Variants in CLEC16A observed in about 807,000 individuals in gnomAD.
CLEC16A encodes C-type lectin domain containing 16A.
A neutral mutation model predicts 109.5 loss-of-function variants in CLEC16A; 51 were observed. That is an observed-to-expected ratio of 0.47 (90% CI 0.37 to 0.59). The LOEUF is 0.59. Ranked by LOEUF, CLEC16A falls within the 20% of genes least tolerant of loss-of-function variation. The pLI is 0.00. For synonymous variants in CLEC16A, 673 were observed against 564.2 expected, an observed-to-expected ratio of 1.19 and a Z score of -2.73; for missense variants, 1,339 against 1,394.0, an observed-to-expected ratio of 0.96 and a Z score of 0.63.
At chr16:11,135,529 T>A (rs1281668733) in intron 22 of CLEC16A, among the ~76,000 whole-genome samples, 1 of 151,902 alleles carries the variant, frequency 6.6e-6, no homozygotes, top group Non-Finnish European at 1.5e-5. Context: ...AAGAAGAGAG[T>A]TCCAAAGAAC....
At chr16:11,160,031 A>G (rs12325077) in intron 22 of CLEC16A, among the ~76,000 whole-genome samples, 63,724 of 152,020 alleles carry the variant, frequency 0.42, 13,725 homozygotes, top group Middle Eastern at 0.5. Context: ...TTCAGAGCCA[A>G]CTGGGTTCCT....
chr16:11,172,755 G>A (rs1196139213), intron 23 of CLEC16A, among the ~76,000 whole-genome samples: 1 of 152,090 alleles, frequency 6.6e-6, no homozygotes, highest in Non-Finnish European at 1.5e-5. Flanking sequence ...CAGGCGTGGT[G>A]GTAGGCGTCT....
At chr16:11,063,376 C>T (rs1292916712) in intron 19 of CLEC16A, among the ~76,000 whole-genome samples, 12 of 150,220 alleles carry the variant, frequency 8.0e-5, no homozygotes, top group African/African-American at 2.2e-4. Flanking sequence ...TGCAATCTGA[C>T]CAAACGCCTT....
At chr16:11,068,950 G>A (rs1262993621) in intron 19 of CLEC16A, among the ~76,000 whole-genome samples, 1 of 151,234 alleles carries the variant, frequency 6.6e-6, no homozygotes, top group African/African-American at 2.4e-5. Context: ...GAGTAGCTGG[G>A]ATTACAGGTG....
intron 22 of CLEC16A, among the ~76,000 whole-genome samples, chr16:11,134,490 C>T (rs976548712): frequency 1.1e-4 from 17 of 152,158 alleles, no homozygotes; most frequent in Non-Finnish European, 1.3e-4. Context: ...ATCTGTACCT[C>T]CCCTTCCTGC....
chr16:11,060,121 G>A (rs2048401831), intron 18 of CLEC16A, among the ~76,000 whole-genome samples: 1 of 152,148 alleles, frequency 6.6e-6, no homozygotes, highest in South Asian at 2.1e-4. Context: ...GTACCTGGTG[G>A]CCACACAATT....
rs566029576 is a variant in CLEC16A, at chr16:11,002,626, A to G, written c.1072-448A>G. ...GTAATGCGCACTGGACCCACCAAAC[A>G]CCCTCCCATCATCCACCCCCTCCAA... On this transcript the variant is annotated intron_variant, in intron 10 of 23. Coordinates refer to ENST00000409790, the MANE Select transcript of CLEC16A (RefSeq NM_015226.3). 4.6e-5 allele frequency among the ~76,000 whole-genome samples: 7 copies of G among 151,516 alleles called. No individual in the cohort carries two copies. In the South Asian group the frequency reaches 1.5e-3, roughly 32 times the overall value.
chr16:11,088,412 C>A (rs918631254), intron 19 of CLEC16A, among the ~76,000 whole-genome samples: 5 of 152,204 alleles, frequency 3.3e-5, no homozygotes, highest in African/African-American at 1.2e-4. Flanking sequence ...GCTTCCGGGC[C>A]ATTATCTGTG....
intron 1 of CLEC16A, among the ~76,000 whole-genome samples, chr16:10,957,304 T>A (rs1330018909): frequency 3.9e-5 from 6 of 152,242 alleles, no homozygotes; most frequent in Non-Finnish European, 8.8e-5. Context: ...TGTGGCTCCA[T>A]CTCTCTAAAC....
intron 22 of CLEC16A, among the ~76,000 whole-genome samples, chr16:11,134,164 G>A (rs996351508): frequency 6.8e-6 from 1 of 147,256 alleles, no homozygotes; most frequent in East Asian, 2.0e-4. Flanking sequence ...CATAGCTAAT[G>A]TGAATTCCCC....
chr16:11,178,784 C>T lies in CLEC16A; in HGVS notation c.*94C>T. On this transcript the variant is annotated 3_prime_UTR_variant, in exon 24 of 24. Coordinates refer to ENST00000409790, the MANE Select transcript of CLEC16A (RefSeq NM_015226.3). The surrounding 1 kb of genome is among the most constrained non-coding windows in gnomAD (Gnocchi z 6.5). Reference sequence around the variant, plus strand: ...AGACACACTGGGAGCACCCACCATTCTGTGCGGCCCCCAGCAGCCATCTCA... The same window carrying T: ...AGACACACTGGGAGCACCCACCATTTTGTGCGGCCCCCAGCAGCCATCTCA... 1.0e-6 allele frequency: 1 copy of T among 961,668 alleles called. No homozygotes were observed. The highest frequency in any genetic ancestry group is 1.5e-6 in the Non-Finnish European group (1 of 670,540). 59.6% of individuals were successfully genotyped at this position (961,668 alleles called of 1,614,324 possible). A position where few individuals can be genotyped will look rare whatever the true frequency, so the allele number is the denominator to read the frequency against.
Position 11,003,316 on chromosome 16 carries a change from C to G in CLEC16A, c.1303+11C>G. On this transcript the variant is annotated intron_variant, in intron 11 of 23. Transcript: ENST00000409790. ...GTGGGGAGAGTGAAGGTGAGTGTCC[C>G]CATGAACGCCGCCCTGTGCCTGCGC... is the stretch of plus-strand genomic sequence containing the variant. The G allele has an allele frequency of 6.2e-7, 1 of 1,606,164 alleles. No individual in the cohort carries two copies. The highest frequency in any genetic ancestry group is 2.2e-5 in the East Asian group (1 of 44,822).
intron 19 of CLEC16A, among the ~76,000 whole-genome samples, chr16:11,113,722 G>A (rs1057120053): frequency 3.9e-5 from 6 of 152,144 alleles, no homozygotes; most frequent in Admixed American, 2.0e-4. Context: ...TCTACTCATC[G>A]TATGTTCTTG....
chr16:11,074,660 A>G (rs1333946956), intron 19 of CLEC16A, among the ~76,000 whole-genome samples: 1 of 152,170 alleles, frequency 6.6e-6, no homozygotes, highest in Non-Finnish European at 1.5e-5. Context: ...CACATTAGAG[A>G]GACATGTTCT....
intron 11 of CLEC16A, among the ~76,000 whole-genome samples, chr16:11,003,543 G>A (rs1280814504): frequency 2.0e-5 from 3 of 152,158 alleles, no homozygotes; most frequent in Non-Finnish European, 4.4e-5. Context: ...TGGGTGACCT[G>A]GGGCCAGTTT....
rs368039949 is a variant in CLEC16A at position 11,094,333 on chromosome 16, G to A, written c.2117-26282G>A. Among the ~76,000 whole-genome samples the A allele has an allele frequency of 7.9e-5, 12 of 152,308 alleles. No homozygotes were observed. The South Asian group carries it at 1.0e-3, about 13-fold the overall frequency. On this transcript the variant is annotated intron_variant, in intron 19 of 23. Transcript: ENST00000409790. The stretch of plus-strand genomic sequence containing the variant: ...GCTCTGCGCCTGTCCTGGGCAGGCC[G>A]AGCCTGATAAGTTTCCAGCCCTAAG...
At chr16:10,986,091 C>T (rs2043637737) in intron 10 of CLEC16A, among the ~76,000 whole-genome samples, 1 of 132,154 alleles carries the variant, frequency 7.6e-6, no homozygotes, top group African/African-American at 2.9e-5. Context: ...AGTACAGCGG[C>T]ACGATCTCAG....
At chr16:11,106,514 C>T (rs1278320270) in intron 19 of CLEC16A, among the ~76,000 whole-genome samples, 1 of 146,764 alleles carries the variant, frequency 6.8e-6, no homozygotes, top group Non-Finnish European at 1.5e-5. Flanking sequence ...GCGAGAATAG[C>T]TCTGGCTATG....
At chr16:11,023,982 G>A (rs1043488172) in intron 12 of CLEC16A, among the ~76,000 whole-genome samples, 2 of 152,232 alleles carry the variant, frequency 1.3e-5, no homozygotes, top group Non-Finnish European at 2.9e-5. Flanking sequence ...CATTTGGGAT[G>A]TGCCATTTCC....
Sources: gnomAD v4.1 joint callset for allele counts (sites outside exome capture counted in the v4.1 genomes callset) on GRCh38, gnomAD v4.1.1 for gene constraint, Gnocchi (gnomAD v3.1) non-coding constraint, MANE v1.5 for transcripts, NCBI Gene and HGNC (gene_info 2026-07-23, HGNC 2026-07-21) for gene names.